The following DPP9 variants were observed in gnomAD, a reference collection of about 807,000 sequenced individuals.
The protein encoded by DPP9 is dipeptidyl peptidase IV-related protein-2.
DPP9 carries 50 observed loss-of-function variants against 110.7 expected under a neutral mutation model. The ratio of observed to expected loss-of-function variants is 0.45; its 90% CI spans 0.36 to 0.57. The LOEUF is 0.57. Among genes scored for constraint, DPP9 ranks in the 20% least tolerant of loss-of-function variants. The probability of loss-of-function intolerance (pLI) is 0.00; values close to 1 mark genes in which losing one functional copy is unlikely to be tolerated. For synonymous variants in DPP9, 561 were observed against 514.4 expected (o/e 1.09, Z -1.23); for missense variants, 1,022 against 1,217.9 (o/e 0.84, Z 2.39).
In DPP9 at chr19:4,685,726, G is replaced by C. The variant is rs769713443; in HGVS notation, c.1931C>G (p.Thr644Arg). 1 of 1,613,500 alleles carries C rather than the reference G, an allele frequency of 6.2e-7. No individual in the cohort carries two copies. Among genetic ancestry groups the C allele is most frequent in the Non-Finnish European group, 8.5e-7 (1 of 1,179,824 alleles). The stretch of plus-strand genomic sequence containing the variant: ...GCCGTAGAGCCGCACATCCGAGCGC[G>C]TGTGGAAATGGAAGATCTCTGGAGG... ...YVPPEIFHFH[T>R]RSDVRLYGMI... Residue 644 changes from threonine (T) to arginine (R), a missense_variant, in exon 17 of 22, where the codon ACG becomes AGG. Around this residue, in one of 3 missense-constraint regions of DPP9, gnomAD observed 810 missense variants for 920.6 expected, o/e 0.88. Coordinates refer to ENST00000262960, the MANE Select transcript of DPP9 (RefSeq NM_139159.5). The surrounding 1 kb of genome is among the most constrained non-coding windows in gnomAD (Gnocchi z 5.8).
At chr19:4,719,770 C>G (rs145099302) in intron 3 of DPP9, 81 bp downstream of exon 3, 4 of 1,481,954 alleles carry the variant, frequency 2.7e-6, no homozygotes, top group Non-Finnish European at 3.7e-6. Flanking sequence ...AAAGAAGGGG[C>G]CTTCCAGATC....
chr19:4,681,570 T>G (rs1216054996), intron 20 of DPP9, among the ~76,000 whole-genome samples: 1 of 149,524 alleles, frequency 6.7e-6, no homozygotes, highest in African/African-American at 2.5e-5. Flanking sequence ...GGCCTATTAT[T>G]ATTATTATTG....
At chr19:4,679,485 T>G in intron 21 of DPP9, 1 of 292,260 alleles carries the variant, frequency 3.4e-6, no homozygotes, top group Non-Finnish European at 6.7e-6. Context: ...CACTCAGCGG[T>G]TTCTTCTACG....
In DPP9 at chr19:4,684,297, C is replaced by G. The variant is rs1237336884; in HGVS notation, c.2178+366G>C. 6.6e-6 allele frequency: 2 copies of G among 305,260 alleles called. No individual in the cohort carries two copies. The highest frequency in any genetic ancestry group is 1.7e-4 in the East Asian group (2 of 11,782). The allele number at this position is 305,260 out of a possible 1,614,324, so 18.9% of individuals were successfully genotyped here. A position where few individuals can be genotyped will look rare whatever the true frequency, so the allele number is the denominator to read the frequency against. On this transcript the variant is annotated intron_variant, in intron 18 of 21. Transcript: ENST00000262960. The surrounding 1 kb of genome is among the most constrained non-coding windows in gnomAD (Gnocchi z 4.8). Reference sequence around the variant, plus strand: ...GAGAGCAGCCCTCCCCGACACAGCCCTGCCTTGGCCTTGGACCTCCCAGCC... The same window carrying G: ...GAGAGCAGCCCTCCCCGACACAGCCGTGCCTTGGCCTTGGACCTCCCAGCC...
At chr19:4,707,641 T>C (rs998695310) in intron 4 of DPP9, among the ~76,000 whole-genome samples, 14 of 137,108 alleles carry the variant, frequency 1.0e-4, no homozygotes, top group Admixed American at 1.5e-4. Context: ...TTTTTTTTTT[T>C]CTGAGACACA....
chr19:4,722,750 T>C, intron 1 of DPP9, 199 bp from the exon 2 acceptor site: 1 of 574,926 alleles, frequency 1.7e-6, no homozygotes, highest in Non-Finnish European at 3.1e-6. Context: ...GGGCCCCGAT[T>C]CCCCTGGGAC....
At chr19:4,702,504 G>T in intron 8 of DPP9, 99 bp downstream of exon 8, 3 of 884,456 alleles carry the variant, frequency 3.4e-6, no homozygotes, top group South Asian at 1.6e-5. Flanking sequence ...CTGTGGAGGT[G>T]GTTTGAGGTG....
At chr19:4,696,064 C>A (rs1037819461) in intron 11 of DPP9, among the ~76,000 whole-genome samples, 7 of 151,992 alleles carry the variant, frequency 4.6e-5, no homozygotes, top group Non-Finnish European at 8.8e-5. Context: ...CCATGCCCGG[C>A]TAATTTTTGT....
At chr19:4,717,570 C>G (rs145398588) in intron 3 of DPP9, 25 of 152,346 alleles carry the variant, frequency 1.6e-4, no homozygotes, top group African/African-American at 6.0e-4. Context: ...CTTATAGACC[C>G]GCGTGGCTTG....
At chr19:4,692,119 T>A (rs1794926126) in intron 13 of DPP9, among the ~76,000 whole-genome samples, 1 of 152,060 alleles carries the variant, frequency 6.6e-6, no homozygotes, top group Non-Finnish European at 1.5e-5. Context: ...CATCCCCGGC[T>A]GGAACAAGAT....
chr19:4,684,529 G>A lies in DPP9; in HGVS notation c.2178+134C>T. ...TTGTTCTAAAAGGGCGCCTCATTGA[G>A]CCTGCGTCACCCCAGCCAGAAGTGC... is the stretch of plus-strand genomic sequence containing the variant. On this transcript the variant is annotated intron_variant, in intron 18 of 21. Transcript: ENST00000262960. This position sits in a 1 kb window ranked among gnomAD's most constrained non-coding sequence, Gnocchi z 4.8. The A allele has an allele frequency of 2.9e-6, 3 of 1,033,648 alleles. No homozygotes were observed. The highest frequency in any genetic ancestry group is 4.2e-6 in the Non-Finnish European group (3 of 717,338). The allele number at this position is 1,033,648 out of a possible 1,614,324, so 64.0% of individuals were successfully genotyped here.
At chr19:4,679,761 C>T (rs1176784476) in intron 21 of DPP9, 74 bp downstream of exon 21, 1 of 1,201,664 alleles carries the variant, frequency 8.3e-7, no homozygotes, top group East Asian at 2.5e-5. Context: ...GGAAGCCACC[C>T]CGCCTCGTCC....
Position 4,694,869 on chromosome 19 carries a change from C to T in DPP9, c.1354-46G>A, listed in dbSNP as rs751753328. On this transcript the variant is annotated intron_variant, in intron 12 of 21. Transcript: ENST00000262960. This position sits in a 1 kb window ranked among gnomAD's most constrained non-coding sequence, Gnocchi z 4.0. ...AGATGCGTCAGAAGGTGTGGGTGGC[C>T]GGGCATGGTGGCTCACACCAGTAAT... 2.1e-5 allele frequency: 34 copies of T among 1,597,058 alleles called. No individual in the cohort carries two copies. Among genetic ancestry groups the T allele is most frequent in the Non-Finnish European group, 2.5e-5 (29 of 1,169,816 alleles).
intron 3 of DPP9, 95 bp from the exon 4 acceptor site, chr19:4,714,432 G>A (rs1241093714): frequency 4.2e-6 from 6 of 1,413,750 alleles, no homozygotes; most frequent in Non-Finnish European, 4.6e-6. Flanking sequence ...GGTTCTTCCA[G>A]ACGAGCCCCA....
Position 4,685,350 on chromosome 19 carries a change from G to A in DPP9, c.2031+276C>T. On this transcript the variant is annotated intron_variant, in intron 17 of 21. Transcript: ENST00000262960. This position sits in a 1 kb window ranked among gnomAD's most constrained non-coding sequence, Gnocchi z 5.8. Reference sequence around the variant, plus strand: ...CACCTCCATACCAACCTGGAGACTAGGGGACTTCCTAGAGGAACAAGGGAG... The same window carrying A: ...CACCTCCATACCAACCTGGAGACTAAGGGACTTCCTAGAGGAACAAGGGAG... 1 of 618,118 alleles carries A rather than the reference G, an allele frequency of 1.6e-6. No individual in the cohort carries two copies. Among genetic ancestry groups the A allele is most frequent in the South Asian group, 1.5e-5 (1 of 66,028 alleles). The allele number at this position is 618,118 out of a possible 1,614,324, so 38.3% of individuals were successfully genotyped here.
chr19:4,691,923 C>T lies in DPP9; in HGVS notation c.1517-966G>A, dbSNP rs113173311. Among the ~76,000 whole-genome samples, 588 of 152,108 alleles carry T rather than the reference C, an allele frequency of 3.9e-3. 7 individuals are homozygous for T. Among genetic ancestry groups the T allele is most frequent in the African/African-American group, 0.013 (556 of 41,518 alleles). On this transcript the variant is annotated intron_variant, in intron 13 of 21. Coordinates refer to ENST00000262960, the MANE Select transcript of DPP9 (RefSeq NM_139159.5). ...CAACTCCTGACCTCAGGTGATCCAC[C>T]TGCCTCAGCCTCCCAAATTGCTGGG...
At chr19:4,683,455 G>C in intron 19 of DPP9, 22 bp downstream of exon 19, 1 of 1,612,184 alleles carries the variant, frequency 6.2e-7, no homozygotes, top group South Asian at 1.1e-5. Flanking sequence ...CGTGGCTGAG[G>C]CCGGCCAGGG....
intron 21 of DPP9, 131 bp downstream of exon 21, chr19:4,679,704 G>A (rs2089525411): frequency 2.9e-6 from 2 of 681,526 alleles, no homozygotes; most frequent in South Asian, 3.5e-5. Flanking sequence ...GCTGTGGGGT[G>A]GGGGGCTGGG....
chr19:4,685,426 G>A lies in DPP9; in HGVS notation c.2031+200C>T, dbSNP rs140412003. On this transcript the variant is annotated intron_variant, in intron 17 of 21. Coordinates refer to ENST00000262960, the MANE Select transcript of DPP9 (RefSeq NM_139159.5). The surrounding 1 kb of genome is among the most constrained non-coding windows in gnomAD (Gnocchi z 5.8). ...AGGCCATCCAGGAAGGGCGGGGAGC[G>A]TGCAAACGGGCACAGAGAAAGGAGG... is the stretch of plus-strand genomic sequence containing the variant. The A allele has an allele frequency of 7.2e-5, 49 of 676,270 alleles. No individual in the cohort carries two copies. In the East Asian group the frequency reaches 1.0e-3, roughly 14 times the overall value. 41.9% of individuals were successfully genotyped at this position (676,270 alleles called of 1,614,324 possible).
Sources: allele counts gnomAD v4.1 joint callset (sites outside exome capture counted in the v4.1 genomes callset), GRCh38; gene constraint gnomAD v4.1.1; regional missense constraint gnomAD v4.1.1; non-coding constraint Gnocchi (gnomAD v3.1); transcripts MANE v1.5; gene names NCBI Gene and HGNC (gene_info 2026-07-23, HGNC 2026-07-21).